CDKAL1: variants seen among roughly 807,000 people sequenced by gnomAD.
CDKAL1 encodes CDKAL1 threonylcarbamoyladenosine tRNA methylthiotransferase.
In CDKAL1, 32 loss-of-function variants were observed where a neutral mutation model predicts 68.2. That is an observed-to-expected ratio of 0.47 (90% CI 0.35 to 0.63). CDKAL1 has a LOEUF of 0.63. Among genes scored for constraint, CDKAL1 ranks in the 30% least tolerant of loss-of-function variants. The pLI, the probability that CDKAL1 is intolerant of heterozygous loss-of-function variation, is 0.00. For missense variants in CDKAL1, 606 were observed against 696.7 expected (o/e 0.87, Z 1.47); for synonymous variants, 234 against 244.3 (o/e 0.96, Z 0.39).
chr6:20,863,279 C>G (rs1362044619), intron 9 of CDKAL1, among the ~76,000 whole-genome samples: 1 of 152,072 alleles, frequency 6.6e-6, no homozygotes, highest in Non-Finnish European at 1.5e-5. Context: ...CAGCCATCAT[C>G]TCTCCTCATT....
chr6:21,069,291 C>T (rs7762612), intron 12 of CDKAL1, among the ~76,000 whole-genome samples: 62,660 of 151,986 alleles, frequency 0.41, 13,645 homozygotes, highest in East Asian at 0.86. Context: ...TTAGCTGTAG[C>T]TTTGGAATTA....
rs901614656 is a variant in CDKAL1 at position 21,181,151 on chromosome 6, T to C, written c.1300-16870T>C. Among the ~76,000 whole-genome samples the C allele has an allele frequency of 5.9e-5, 9 of 152,200 alleles. No individual in the cohort carries two copies. In the East Asian group the frequency reaches 1.3e-3, roughly 23 times the overall value. The stretch of plus-strand genomic sequence containing the variant: ...CCTTTATAAAAACCCACTGTCGAGA[T>C]AGCTAACCAACTCCGGAGATAGCAA... On this transcript the variant is annotated intron_variant, in intron 13 of 15. Transcript: ENST00000274695.
At chr6:21,033,868 G>A (rs1441957848) in intron 11 of CDKAL1, among the ~76,000 whole-genome samples, 3 of 152,150 alleles carry the variant, frequency 2.0e-5, no homozygotes, top group Admixed American at 1.3e-4. Flanking sequence ...AATTAGGATA[G>A]AAAATAACAT....
At chr6:20,991,612 C>T (rs755345691) in intron 10 of CDKAL1, among the ~76,000 whole-genome samples, 1 of 146,426 alleles carries the variant, frequency 6.8e-6, no homozygotes, top group Non-Finnish European at 1.5e-5. Flanking sequence ...GAGGCTGAGG[C>T]AGGAGAATTG....
chr6:20,621,379 G>A (rs1006593638), intron 4 of CDKAL1, among the ~76,000 whole-genome samples: 2 of 152,098 alleles, frequency 1.3e-5, no homozygotes, highest in Non-Finnish European at 2.9e-5. Flanking sequence ...ATGACTGTTG[G>A]TGTTAACCTG....
At chr6:20,616,294 G>A (rs578139472) in intron 4 of CDKAL1, among the ~76,000 whole-genome samples, 62 of 151,458 alleles carry the variant, frequency 4.1e-4, no homozygotes, top group African/African-American at 1.4e-3. Context: ...GAACTTTAAA[G>A]TAGTTTTTTC....
At chr6:20,595,759 T>G (rs981499158) in intron 4 of CDKAL1, among the ~76,000 whole-genome samples, 1 of 152,144 alleles carries the variant, frequency 6.6e-6, no homozygotes, top group Non-Finnish European at 1.5e-5. Flanking sequence ...CATTCTGGTT[T>G]TTGGAATTTT....
chr6:21,056,563 G>A (rs1468156233), intron 11 of CDKAL1, among the ~76,000 whole-genome samples: 1 of 152,100 alleles, frequency 6.6e-6, no homozygotes, highest in Non-Finnish European at 1.5e-5. Flanking sequence ...ATACTATGTT[G>A]AACAGGAGTA....
At chr6:21,069,774 C>CTTTTTT (rs60241965) in intron 12 of CDKAL1, among the ~76,000 whole-genome samples, 1 of 69,944 alleles carries the variant, frequency 1.4e-5, no homozygotes, top group Non-Finnish European at 2.6e-5. Context: ...GATTTTCTTT[C>CTTTTTT]TTTTTTTTTT....
chr6:21,042,544 T>A (rs1358075142), intron 11 of CDKAL1, among the ~76,000 whole-genome samples: 1 of 152,120 alleles, frequency 6.6e-6, no homozygotes, highest in Admixed American at 6.6e-5. Flanking sequence ...CTGTCTCCAC[T>A]TCCTTCTACC....
intron 12 of CDKAL1, among the ~76,000 whole-genome samples, chr6:21,100,310 T>C (rs1013548111): frequency 6.6e-6 from 1 of 152,232 alleles, no homozygotes; most frequent in African/African-American, 2.4e-5. Flanking sequence ...CAAATTCACT[T>C]ACCTATTTTC....
intron 5 of CDKAL1, among the ~76,000 whole-genome samples, chr6:20,673,322 A>G (rs978097279): frequency 2.0e-5 from 3 of 152,218 alleles, no homozygotes; most frequent in East Asian, 1.9e-4. Context: ...CTGATATTAA[A>G]TGGGCGTAGT....
chr6:20,782,916 C>G (rs1775491487), intron 8 of CDKAL1, among the ~76,000 whole-genome samples: 1 of 152,078 alleles, frequency 6.6e-6, no homozygotes, highest in African/African-American at 2.4e-5. Context: ...CACACTTTCT[C>G]CTGAAAAATG....
intron 10 of CDKAL1, among the ~76,000 whole-genome samples, chr6:20,989,782 GTTATTTTATTTCAAAACT>G (rs1581976289): frequency 6.6e-6 from 1 of 151,864 alleles, no homozygotes; most frequent in East Asian, 1.9e-4. Flanking sequence ...TTTTCTCTTT[GTTATTTTATTTCAAAACT>G]AATACAGCAA....
chr6:21,221,363 G>A (rs1582443499), intron 15 of CDKAL1, among the ~76,000 whole-genome samples: 1 of 151,746 alleles, frequency 6.6e-6, no homozygotes, highest in Non-Finnish European at 1.5e-5. Context: ...CGAGTAGCTG[G>A]GACTACAAGC....
At chr6:20,688,080 A>G (rs992737034) in intron 5 of CDKAL1, among the ~76,000 whole-genome samples, 41 of 152,162 alleles carry the variant, frequency 2.7e-4, no homozygotes, top group African/African-American at 9.9e-4. Flanking sequence ...GCAGAAGTAA[A>G]ATGTAATTCT....
intron 5 of CDKAL1, among the ~76,000 whole-genome samples, chr6:20,730,658 A>G (rs1223632647): frequency 6.6e-6 from 1 of 151,960 alleles, no homozygotes; most frequent in Non-Finnish European, 1.5e-5. Flanking sequence ...CAGCCTGGCC[A>G]ACATGGTAAA....
chr6:20,555,655 C>T (rs1467990200), intron 4 of CDKAL1, among the ~76,000 whole-genome samples: 6 of 119,098 alleles, frequency 5.0e-5, no homozygotes, highest in Admixed American at 4.8e-4. Flanking sequence ...CGGAGTCCTG[C>T]TCTTTTGCCC....
In CDKAL1 at chr6:20,980,489, A is replaced by G. The variant is rs533398585; in HGVS notation, c.910-19738A>G. The stretch of plus-strand genomic sequence containing the variant: ...CCTGACCTCGTGATCCGCCCGCCTC[A>G]GCCTCCCAAAGTGCTGGGATTACAG... On this transcript the variant is annotated intron_variant, in intron 10 of 15. Coordinates refer to ENST00000274695, the MANE Select transcript of CDKAL1 (RefSeq NM_017774.3). Among the ~76,000 whole-genome samples, 276 of 152,224 alleles carry G rather than the reference A, an allele frequency of 1.8e-3. 3 individuals carry two copies. The highest frequency in any genetic ancestry group is 6.5e-3 in the African/African-American group (268 of 41,546).
Sources: gnomAD v4.1 joint callset for allele counts (sites outside exome capture counted in the v4.1 genomes callset) on GRCh38, gnomAD v4.1.1 for gene constraint, MANE v1.5 for transcripts, NCBI Gene and HGNC (gene_info 2026-07-23, HGNC 2026-07-21) for gene names.